The following RBM4 variants were observed in gnomAD, a reference collection of about 807,000 sequenced individuals.
RBM4 encodes RNA binding motif protein 4, also known as RNA-binding protein 4.
A neutral mutation model predicts 29.5 loss-of-function variants in RBM4; 7 were observed. The ratio of observed to expected loss-of-function variants is 0.24; its 90% CI spans 0.14 to 0.45. RBM4 has a LOEUF of 0.45. Among genes scored for constraint, RBM4 ranks in the 20% least tolerant of loss-of-function variants. The pLI, the probability that RBM4 is intolerant of heterozygous loss-of-function variation, is 1.00. For synonymous variants in RBM4, 220 were observed against 205.4 expected, an observed-to-expected ratio of 1.07 and a Z score of -0.61; for missense variants, 387 against 502.3, an observed-to-expected ratio of 0.77 and a Z score of 2.19.
chr11:66,653,707 C>G (rs1309090855), intron 2 of RBM4, among the ~76,000 whole-genome samples: 1 of 151,974 alleles, frequency 6.6e-6, no homozygotes, highest in African/African-American at 2.4e-5. Flanking sequence ...ATATAACACA[C>G]AAAATATGTT....
At chr11:66,645,877 GT>G in intron 3 of RBM4, 149 bp from the exon 4 acceptor site, 1 of 1,396,398 alleles carries the variant, frequency 7.2e-7, no homozygotes, top group Non-Finnish European at 9.5e-7. Flanking sequence ...TCTTTTCATT[GT>G]TAGAGATTAC....
chr11:66,651,496 C>T (rs556769427), intron 2 of RBM4, among the ~76,000 whole-genome samples: 38 of 152,086 alleles, frequency 2.5e-4, no homozygotes, highest in South Asian at 6.2e-4. Context: ...TACAGGCGCC[C>T]GCCACCACAC....
downstream of RBM4, among the ~76,000 whole-genome samples, chr11:66,650,133 A>G (rs1352169691): frequency 2.0e-5 from 3 of 152,188 alleles, no homozygotes; most frequent in Non-Finnish European, 4.4e-5. Context: ...CTTGGAAGTC[A>G]GTTCGGGGTG....
At position 66,641,420 on chromosome 11, in the gene RBM4, G is replaced by A. The variant is rs1474415354; in HGVS notation, c.412+1297G>A. Among the ~76,000 whole-genome samples, 5 of 152,294 alleles carry A rather than the reference G, an allele frequency of 3.3e-5. No individual in the cohort carries two copies. In the South Asian group the frequency reaches 1.0e-3, roughly 32 times the overall value. On this transcript the variant is annotated intron_variant, in intron 2 of 3. Coordinates refer to ENST00000310092, the MANE Select transcript of RBM4 (RefSeq NM_002896.4). ...TGCGTTAGTAAAGAAAAGTGACACA[G>A]GTCTCTCAGGTCTAGTTTGCTTTCT... is the stretch of plus-strand genomic sequence containing the variant.
At position 66,645,970 on chromosome 11, in the gene RBM4, A is replaced by C. The variant is rs1938675031; in HGVS notation, c.*9-57A>C. On this transcript the variant is annotated intron_variant, in intron 3 of 3. Coordinates refer to ENST00000310092, the MANE Select transcript of RBM4 (RefSeq NM_002896.4). ...ACTTTGTAAAGATGTTGAAGTTTTA[A>C]ATGGGAAAGCCCTTTTGAGCTTTGC... 55 of 1,535,578 alleles carry C rather than the reference A, an allele frequency of 3.6e-5. 1 individual carries two copies. In the South Asian group the frequency reaches 6.4e-4, roughly 18 times the overall value.
rs572483621 is a variant in RBM4 at position 66,652,318 on chromosome 11, C to T, written c.412+12195C>T. 4 of 152,292 alleles carry T rather than the reference C, an allele frequency of 2.6e-5. No individual in the cohort carries two copies. In the South Asian group the frequency reaches 8.3e-4, roughly 32 times the overall value. The allele number at this position is 152,292 out of a possible 1,614,324, so 9.4% of individuals were successfully genotyped here. On this transcript the variant is annotated intron_variant, in intron 2 of 2. Coordinates refer to the RBM4 transcript ENST00000396053. ...CCGTGTTAACCAGGATGGTCTCGAT[C>T]TCCTGACCTCTTGATCCGCCTGCCT...
intron 2 of RBM4, among the ~76,000 whole-genome samples, chr11:66,657,729 G>T (rs1240873567): frequency 7.4e-6 from 1 of 135,918 alleles, no homozygotes; most frequent in Admixed American, 7.5e-5. Context: ...GAGCCACCTC[G>T]CCTGCCCCCT....
chr11:66,658,337 CTTTTTTTTTT>C lies in RBM4; in HGVS notation c.413-7503_413-7494del, dbSNP rs35133059. On this transcript the variant is annotated intron_variant, in intron 2 of 2. Coordinates refer to the RBM4 transcript ENST00000396053. The stretch of plus-strand genomic sequence containing the variant: ...GCCACTGTGCCTGGCCTAGTCTGAC[CTTTTTTTTTT>C]TTTTTTTTTTTTTTTCGTTTTGTTT... 3.3e-3 allele frequency among the ~76,000 whole-genome samples: 169 copies of C among 50,474 alleles called. 4 individuals are homozygous for C. The East Asian group carries it at 0.1, about 30-fold the overall frequency. 33.1% of individuals were successfully genotyped at this position (50,474 alleles called of 152,430 possible). A position where few individuals can be genotyped will look rare whatever the true frequency, so the allele number is the denominator to read the frequency against.
intron 2 of RBM4, among the ~76,000 whole-genome samples, chr11:66,653,289 A>G (rs1464858324): frequency 6.6e-6 from 1 of 150,638 alleles, no homozygotes; most frequent in East Asian, 2.0e-4. Context: ...CCCTCCTCCT[A>G]CTTTTCCTCA....
At chr11:66,645,705 A>G (rs1230597042) in intron 3 of RBM4, among the ~76,000 whole-genome samples, 1 of 152,104 alleles carries the variant, frequency 6.6e-6, no homozygotes, top group Non-Finnish European at 1.5e-5. Context: ...CTCTGCTGAC[A>G]GCTTGTGATG....
chr11:66,641,214 TG>T (rs1234373059), intron 2 of RBM4: 1 of 152,228 alleles, frequency 6.6e-6, no homozygotes, highest in East Asian at 1.9e-4. Context: ...CGTGACTCCT[TG>T]CTATATTTCA....
intron 1 of RBM4, chr11:66,639,173 A>G (rs1365760506): frequency 6.4e-6 from 1 of 155,650 alleles, no homozygotes; most frequent in Non-Finnish European, 1.4e-5. Context: ...TCACCACTCC[A>G]GTATTTCCTT....
chr11:66,639,699 G>C lies in RBM4; in HGVS notation c.-12-1G>C. On this transcript the variant is annotated splice_acceptor_variant, in intron 1 of 3. Coordinates refer to ENST00000310092, the MANE Select transcript of RBM4 (RefSeq NM_002896.4). LOFTEE classifies it low-confidence loss of function (5UTR_SPLICE). The stretch of plus-strand genomic sequence containing the variant: ...TCAGATGTCTTGTTTTTCTCTCCCA[G>C]GCTCTTGTCAGGATGGTGAAGCTGT... 6.2e-7 allele frequency: 1 copy of C among 1,611,080 alleles called. No homozygotes were observed. The highest frequency in any genetic ancestry group is 8.5e-7 in the Non-Finnish European group (1 of 1,177,598).
Position 66,643,021 on chromosome 11 carries a change from G to C in RBM4, c.413-429G>C, listed in dbSNP as rs1348268489. Among the ~76,000 whole-genome samples, 2 of 152,106 alleles carry C rather than the reference G, an allele frequency of 1.3e-5. No homozygotes were observed. The highest frequency in any genetic ancestry group is 2.9e-5 in the Non-Finnish European group (2 of 68,008). On this transcript the variant is annotated intron_variant, in intron 2 of 3. Transcript: ENST00000310092. This position sits in a 1 kb window ranked among gnomAD's most constrained non-coding sequence, Gnocchi z 6.1. The stretch of plus-strand genomic sequence containing the variant: ...CGGTTCTTTTAAATTTTTTGAGGAG[G>C]GTGGAGAACTGGCCTTTACTTATAT...
downstream of RBM4, among the ~76,000 whole-genome samples, chr11:66,648,339 G>A (rs1313051219): frequency 6.6e-6 from 1 of 152,000 alleles, no homozygotes; most frequent in African/African-American, 2.4e-5. Flanking sequence ...TGGGCAACAT[G>A]GTGAAACCCT....
chr11:66,655,674 G>A (rs1590871821), intron 2 of RBM4, among the ~76,000 whole-genome samples: 1 of 152,306 alleles, frequency 6.6e-6, no homozygotes, highest in African/African-American at 2.4e-5. Context: ...CAGGTAGAGA[G>A]AATATCTTGA....
At chr11:66,639,555 C>T (rs1680092610) in intron 1 of RBM4, 145 bp from the exon 2 acceptor site, 1 of 1,066,580 alleles carries the variant, frequency 9.4e-7, no homozygotes, top group Middle Eastern at 3.0e-4. Context: ...TTCACTCCCA[C>T]TTCCATTTGA....
chr11:66,648,838 C>A (rs1938765004), downstream of RBM4, among the ~76,000 whole-genome samples: 1 of 150,652 alleles, frequency 6.6e-6, no homozygotes, highest in Admixed American at 6.6e-5. Flanking sequence ...TTTTTAATTT[C>A]TTGATTCTAT....
At chr11:66,660,298 G>C (rs1430355584) in intron 2 of RBM4, among the ~76,000 whole-genome samples, 1 of 146,600 alleles carries the variant, frequency 6.8e-6, no homozygotes, top group African/African-American at 2.5e-5. Flanking sequence ...GACCCATTTT[G>C]TGTAATTTGT....
Sources: gnomAD v4.1 joint callset for allele counts (sites outside exome capture counted in the v4.1 genomes callset) on GRCh38, gnomAD v4.1.1 for gene constraint, Gnocchi (gnomAD v3.1) non-coding constraint, MANE v1.5 for transcripts, NCBI Gene and HGNC (gene_info 2026-07-23, HGNC 2026-07-21) for gene names.